Variants in ADCY3 observed in about 807,000 individuals in gnomAD.
ADCY3 encodes the protein adenylate cyclase 3, also known as adenylate cyclase type 3.
A neutral mutation model predicts 119.4 loss-of-function variants in ADCY3; 70 were observed. The observed-to-expected ratio is 0.59, with a 90% CI of 0.48 to 0.72. The LOEUF (loss-of-function observed/expected upper bound fraction) is 0.72. Among genes scored for constraint, ADCY3 ranks in the 30% least tolerant of loss-of-function variants. The pLI, the probability that ADCY3 is intolerant of heterozygous loss-of-function variation, is 0.00. For missense variants in ADCY3, 1,238 were observed against 1,541.6 expected (o/e 0.80, Z 3.30); for synonymous variants, 672 against 621.4 (o/e 1.08, Z -1.21).
chr2:24,880,907 C>T (rs988270607), intron 2 of ADCY3, among the ~76,000 whole-genome samples: 3 of 151,846 alleles, frequency 2.0e-5, no homozygotes, highest in South Asian at 2.1e-4. Flanking sequence ...CCCAGCTATT[C>T]GGGAGGCTGA....
intron 2 of ADCY3, among the ~76,000 whole-genome samples, chr2:24,914,714 C>T (rs1664233702): frequency 6.6e-6 from 1 of 151,402 alleles, no homozygotes; most frequent in Admixed American, 6.6e-5. Flanking sequence ...CAGGCAGGGG[C>T]TAGAGGATGG....
In ADCY3 at chr2:24,918,168, A is replaced by C; in HGVS notation, c.675+145T>G. ...GGTAATGGCACAGGGGTGAAAAGGC[A>C]GGGACTAGGGAGAGAGGTGAGAGCC... On this transcript the variant is annotated intron_variant, in intron 2 of 21. Transcript: ENST00000679454. The surrounding 1 kb of genome is among the most constrained non-coding windows in gnomAD (Gnocchi z 5.4). The C allele has an allele frequency of 1.1e-6, 1 of 871,254 alleles. No individual in the cohort carries two copies. Among genetic ancestry groups the C allele is most frequent in the Non-Finnish European group, 1.7e-6 (1 of 573,358 alleles). 54.0% of individuals were successfully genotyped at this position (871,254 alleles called of 1,614,324 possible). A position where few individuals can be genotyped will look rare whatever the true frequency, so the allele number is the denominator to read the frequency against.
In ADCY3 at chr2:24,857,991, A is replaced by ATTTTTTTTTTTT. The variant is rs56672595; in HGVS notation, c.825+14567_825+14578dup. On this transcript the variant is annotated intron_variant, in intron 3 of 21. Transcript: ENST00000679454. ...AAGTCCTGAAATACTTGTGGTCTGA[A>ATTTTTTTTTTTT]TTTTTTTTTTTTTTTTTTTTTTTTA... is the stretch of plus-strand genomic sequence containing the variant. Among the ~76,000 whole-genome samples, 163 of 122,382 alleles carry ATTTTTTTTTTTT rather than the reference A, an allele frequency of 1.3e-3. 3 individuals carry two copies. Among genetic ancestry groups the ATTTTTTTTTTTT allele is most frequent in the African/African-American group, 4.8e-3 (141 of 29,444 alleles). 80.3% of individuals were successfully genotyped at this position (122,382 alleles called of 152,430 possible). A position where few individuals can be genotyped will look rare whatever the true frequency, so the allele number is the denominator to read the frequency against.
At chr2:24,822,452 C>T (rs1302294588) in intron 19 of ADCY3, 59 bp downstream of exon 19, 1 of 1,596,052 alleles carries the variant, frequency 6.3e-7, no homozygotes, top group Non-Finnish European at 8.6e-7. Context: ...TAGGTCTGGG[C>T]TGCCAATCTC....
In ADCY3 at chr2:24,898,253, C is replaced by T. The variant is rs1014777044; in HGVS notation, c.675+20060G>A. ...CTCCTGAGGGGCTTTTCTCTCCACT[C>T]TCCCAGTTCGTGCGCCACAGAGGCC... On this transcript the variant is annotated intron_variant, in intron 2 of 21. Coordinates refer to ENST00000679454, the MANE Select transcript of ADCY3 (RefSeq NM_004036.5). This position sits in a 1 kb window ranked among gnomAD's most constrained non-coding sequence, Gnocchi z 4.3. 2.6e-5 allele frequency among the ~76,000 whole-genome samples: 4 copies of T among 152,162 alleles called. No homozygotes were observed. Among genetic ancestry groups the T allele is most frequent in the African/African-American group, 9.7e-5 (4 of 41,448 alleles).
rs973641183 is a variant in ADCY3, at chr2:24,878,626, C to A, written c.676-5907G>T. ...GATGCTTTAGGAAAAAGTCTCCTAG[C>A]AGCCATGGGGCAGGAAGGAGGAGGG... On this transcript the variant is annotated intron_variant, in intron 2 of 21. Transcript: ENST00000679454. The surrounding 1 kb of genome is among the most constrained non-coding windows in gnomAD (Gnocchi z 4.0). Among the ~76,000 whole-genome samples, 5 of 152,170 alleles carry A rather than the reference C, an allele frequency of 3.3e-5. No homozygotes were observed. Among genetic ancestry groups the A allele is most frequent in the African/African-American group, 1.2e-4 (5 of 41,446 alleles).
At chr2:24,873,839 C>A (rs1675323027) in intron 2 of ADCY3, among the ~76,000 whole-genome samples, 1 of 152,262 alleles carries the variant, frequency 6.6e-6, no homozygotes, top group Admixed American at 6.5e-5. Context: ...GACGCCTCGC[C>A]TGCTAGGTGT....
chr2:24,820,063 T>C lies in ADCY3; in HGVS notation c.3304A>G (p.Arg1102Gly). Residue 1102 changes from arginine to glycine, a missense_variant, in exon 22 of 22, where the codon AGG (arginine) becomes GGG (glycine). Transcript: ENST00000679454. ...ILREYGFRFV[R>G]RGPIFVKGKG... ...CCCTTCACAAAGATGGGGCCTCGCC[T>C]CACAAAGCGGAAGCCGTACTCTCGG... The C allele has an allele frequency of 6.3e-7, 1 of 1,589,568 alleles. No individual in the cohort carries two copies.
At chr2:24,852,462 C>T (rs1009506955) in intron 3 of ADCY3, among the ~76,000 whole-genome samples, 1 of 152,222 alleles carries the variant, frequency 6.6e-6, no homozygotes, top group African/African-American at 2.4e-5. Context: ...ACCCTGTGGC[C>T]TAAGGACACT....
intron 2 of ADCY3, among the ~76,000 whole-genome samples, chr2:24,913,294 A>G (rs1433676018): frequency 6.7e-6 from 1 of 149,450 alleles, no homozygotes; most frequent in African/African-American, 2.5e-5. Flanking sequence ...ACGTGCCCAC[A>G]GGGAACATCG....
At chr2:24,849,529 A>T (rs983158989) in intron 3 of ADCY3, among the ~76,000 whole-genome samples, 1 of 152,188 alleles carries the variant, frequency 6.6e-6, no homozygotes, top group African/African-American at 2.4e-5. Context: ...GAGCACAAAT[A>T]TGTTCTGAAA....
At chr2:24,884,308 G>C (rs957217539) in intron 2 of ADCY3, among the ~76,000 whole-genome samples, 2 of 151,994 alleles carry the variant, frequency 1.3e-5, no homozygotes, top group Non-Finnish European at 2.9e-5. Flanking sequence ...CTCTTCTACA[G>C]AATCACTGTT....
At position 24,899,446 on chromosome 2, in the gene ADCY3, T is replaced by C. The variant is rs1186531350; in HGVS notation, c.675+18867A>G. ...ACCCCAGCCACCTCTGCCACCAGCC[T>C]GCCAGGCAAAACTGTCCCTGGATTT... On this transcript the variant is annotated intron_variant, in intron 2 of 21. Transcript: ENST00000679454. This position sits in a 1 kb window ranked among gnomAD's most constrained non-coding sequence, Gnocchi z 4.5. Among the ~76,000 whole-genome samples the C allele has an allele frequency of 6.6e-6, 1 of 152,230 alleles. No homozygotes were observed. The highest frequency in any genetic ancestry group is 6.5e-5 in the Admixed American group (1 of 15,282).
chr2:24,882,852 T>C (rs1676557708), intron 2 of ADCY3, among the ~76,000 whole-genome samples: 1 of 151,188 alleles, frequency 6.6e-6, no homozygotes, highest in South Asian at 2.1e-4. Flanking sequence ...AGGTCAGGAG[T>C]TCGAGACCAG....
In ADCY3 at chr2:24,842,681, C is replaced by T. The variant is rs1486497186; in HGVS notation, c.826-297G>A. The T allele has an allele frequency of 1.8e-5, 7 of 391,314 alleles. No individual in the cohort carries two copies. The highest frequency in any genetic ancestry group is 7.0e-5 in the South Asian group (3 of 42,632). 24.2% of individuals were successfully genotyped at this position (391,314 alleles called of 1,614,324 possible). A position where few individuals can be genotyped will look rare whatever the true frequency, so the allele number is the denominator to read the frequency against. On this transcript the variant is annotated intron_variant, in intron 3 of 21. Transcript: ENST00000679454. The surrounding 1 kb of genome is among the most constrained non-coding windows in gnomAD (Gnocchi z 4.9). ...CTCAGCATCCTCGTGCCACAAGAAG[C>T]GCAGCAGTCCTGCGTGGGCTGCTGC...
rs528683586 is a variant in ADCY3 at position 24,830,178 on chromosome 2, T to C, written c.2172+531A>G. ...GCTTCAGCCTCCCAAGTAGCTGGGA[T>C]TACAGGTGTGCACCACCATGCCTGG... On this transcript the variant is annotated intron_variant, in intron 13 of 21. Coordinates refer to ENST00000679454, the MANE Select transcript of ADCY3 (RefSeq NM_004036.5). Among the ~76,000 whole-genome samples, 58 of 151,242 alleles carry C rather than the reference T, an allele frequency of 3.8e-4. 2 individuals carry two copies. The highest frequency in any genetic ancestry group is 1.3e-3 in the African/African-American group (54 of 41,080).
intron 15 of ADCY3, among the ~76,000 whole-genome samples, chr2:24,827,141 G>A (rs1668737868): frequency 6.6e-6 from 1 of 152,154 alleles, no homozygotes; most frequent in Non-Finnish European, 1.5e-5. Context: ...TTAAAACCTT[G>A]GCACTGGCAG....
intron 16 of ADCY3, chr2:24,825,768 AT>A (rs3214643): frequency 0.042 from 19,782 of 470,474 alleles, 673 homozygotes; most frequent in East Asian, 0.1. Context: ...TTGATTCAAG[AT>A]GTTTGTGCCT....
Position 24,883,733 on chromosome 2 carries a change from T to C in ADCY3, c.676-11014A>G, listed in dbSNP as rs1483732932. Among the ~76,000 whole-genome samples, 3 of 152,290 alleles carry C rather than the reference T, an allele frequency of 2.0e-5. 1 individual carries two copies. The South Asian group carries it at 6.2e-4, about 32-fold the overall frequency. ...GTACCAGCTCGGAGGAAGACAAGTG[T>C]ATAATCTGGAGACAGAAGATATTTA... On this transcript the variant is annotated intron_variant, in intron 2 of 21. Transcript: ENST00000679454.
Sources: allele counts gnomAD v4.1 joint callset (sites outside exome capture counted in the v4.1 genomes callset), GRCh38; gene constraint gnomAD v4.1.1; non-coding constraint Gnocchi (gnomAD v3.1); transcripts MANE v1.5; gene names NCBI Gene and HGNC (gene_info 2026-07-23, HGNC 2026-07-21).